The following PTPRA variants were observed in gnomAD, a reference collection of about 807,000 sequenced individuals.
PTPRA encodes protein tyrosine phosphatase receptor type A.
In PTPRA, 25 loss-of-function variants were observed where a neutral mutation model predicts 104.8. The ratio of observed to expected loss-of-function variants is 0.24; its 90% CI spans 0.17 to 0.33. The LOEUF is 0.33. Ranked by LOEUF, PTPRA falls within the 10% of genes least tolerant of loss-of-function variation. The pLI is 1.00. For missense variants in PTPRA, 765 were observed against 1,015.3 expected (o/e 0.75, Z 3.35); for synonymous variants, 323 against 368.9 (o/e 0.88, Z 1.43).
At chr20:2,977,253 C>CTGCA (rs1568678769) in intron 6 of PTPRA, among the ~76,000 whole-genome samples, 1 of 147,678 alleles carries the variant, frequency 6.8e-6, no homozygotes, top group Non-Finnish European at 1.5e-5. Flanking sequence ...GCGATCCAGA[C>CTGCA]TGCACTCCAG....
intron 12 of PTPRA, among the ~76,000 whole-genome samples, chr20:3,017,463 G>A (rs1456326527): frequency 5.3e-5 from 8 of 152,198 alleles, no homozygotes; most frequent in Admixed American, 5.2e-4. Flanking sequence ...ATAGGAAGGA[G>A]TAAATGCCAT....
At chr20:3,036,006 T>C (rs965085714) in intron 22 of PTPRA, 65 bp downstream of exon 22, 29 of 1,607,420 alleles carry the variant, frequency 1.8e-5, no homozygotes, top group Non-Finnish European at 2.4e-5. Context: ...GGGAAGCTGA[T>C]GACCATGGGT....
chr20:2,926,915 C>T (rs2060321084), intron 2 of PTPRA, among the ~76,000 whole-genome samples: 1 of 151,768 alleles, frequency 6.6e-6, no homozygotes, highest in Admixed American at 6.6e-5. Flanking sequence ...CTCAGCCTCC[C>T]AAGTAGCTGG....
At chr20:2,918,218 A>AGGGT (rs1338825356) in intron 1 of PTPRA, among the ~76,000 whole-genome samples, 1 of 152,052 alleles carries the variant, frequency 6.6e-6, no homozygotes, top group East Asian at 1.9e-4. Context: ...AAAACGAGAC[A>AGGGT]GGGTGACCAG....
At chr20:2,959,411 T>C (rs1600174492) in intron 3 of PTPRA, among the ~76,000 whole-genome samples, 1 of 152,244 alleles carries the variant, frequency 6.6e-6, no homozygotes, top group East Asian at 1.9e-4. Flanking sequence ...TCAACACTTC[T>C]TTGTGTATTT....
chr20:2,915,116 G>A (rs1407444209), intron 1 of PTPRA, among the ~76,000 whole-genome samples: 1 of 151,004 alleles, frequency 6.6e-6, no homozygotes, highest in Admixed American at 6.6e-5. Context: ...GTCTCACTGT[G>A]TTGCAGGCTG....
intron 1 of PTPRA, among the ~76,000 whole-genome samples, chr20:2,874,024 C>T (rs1037955233): frequency 2.4e-4 from 37 of 152,298 alleles, no homozygotes; most frequent in African/African-American, 7.9e-4. Flanking sequence ...CCTTCTGGGA[C>T]CAGGCCAGGG....
chr20:3,023,297 A>G (rs1355932720), intron 16 of PTPRA, among the ~76,000 whole-genome samples: 1 of 152,184 alleles, frequency 6.6e-6, no homozygotes, highest in Non-Finnish European at 1.5e-5. Context: ...CTCCCCACTG[A>G]GATAGCCTGA....
rs1205270226 is a variant in PTPRA at position 2,910,597 on chromosome 20, T to TG, written c.-128-12610_-128-12609insG. ...CAGCTAGTTTTTTTTTTGTTTTTTT[T>TG]TTGTTTTTTTTAATTTTTTTTTTTT... On this transcript the variant is annotated intron_variant, in intron 1 of 23. Transcript: ENST00000399903. 2.1e-4 allele frequency among the ~76,000 whole-genome samples: 27 copies of TG among 127,566 alleles called. 1 individual carries two copies. The East Asian group carries it at 2.8e-3, about 13-fold the overall frequency. The allele number at this position is 127,566 out of a possible 152,430, so 83.7% of individuals were successfully genotyped here.
At chr20:2,918,769 A>G (rs2059998817) in intron 1 of PTPRA, among the ~76,000 whole-genome samples, 1 of 152,200 alleles carries the variant, frequency 6.6e-6, no homozygotes, top group Non-Finnish European at 1.5e-5. Flanking sequence ...GGTTGTTGAC[A>G]TACATGAATT....
At chr20:2,865,793 G>A in the PTPRA span, 1 of 491,586 alleles carries the variant, frequency 2.0e-6, no homozygotes, top group East Asian at 3.8e-5. The surrounding 1 kb of genome is among the most constrained non-coding windows in gnomAD (Gnocchi z 5.2). Context: ...GAGGAGGGTG[G>A]AGGGGGCACA....
At chr20:2,928,125 GTTGTTGT>G (rs2060374517) in intron 2 of PTPRA, among the ~76,000 whole-genome samples, 1 of 152,000 alleles carries the variant, frequency 6.6e-6, no homozygotes, top group East Asian at 1.9e-4. Flanking sequence ...GTTTTTTGTT[GTTGTTGT>G]TGTTGTTGTT....
chr20:2,990,163 G>A lies in PTPRA; in HGVS notation c.738+1689G>A, dbSNP rs1472462944. Among the ~76,000 whole-genome samples, 28 of 152,216 alleles carry A rather than the reference G, an allele frequency of 1.8e-4. No individual in the cohort carries two copies. In the East Asian group the frequency reaches 4.6e-3, roughly 25 times the overall value. On this transcript the variant is annotated intron_variant, in intron 9 of 23. Transcript: ENST00000399903. The stretch of plus-strand genomic sequence containing the variant: ...CTAATGTCATGACTAGGAAATGGGG[G>A]ATGGATTTAAGGACACAGAGGAGCA...
At chr20:3,007,451 C>G (rs1444338284) in intron 11 of PTPRA, 31 bp downstream of exon 11, 12 of 1,585,988 alleles carry the variant, frequency 7.6e-6, no homozygotes, top group Admixed American at 6.7e-5. Flanking sequence ...CTGTCACTTC[C>G]CTGCCTGACC....
At chr20:2,875,995 G>A (rs2089694582) in intron 1 of PTPRA, among the ~76,000 whole-genome samples, 1 of 152,214 alleles carries the variant, frequency 6.6e-6, no homozygotes, top group South Asian at 2.1e-4. Context: ...CCTTGGGGAG[G>A]AGGGAAGAGG....
chr20:2,975,651 A>G (rs571897532), intron 6 of PTPRA, among the ~76,000 whole-genome samples: 11 of 152,152 alleles, frequency 7.2e-5, no homozygotes, highest in African/African-American at 1.9e-4. Flanking sequence ...TTGTGGCTTT[A>G]TATGGATTTT....
chr20:2,886,850 C>CT (rs1212577641), intron 1 of PTPRA, among the ~76,000 whole-genome samples: 2 of 143,910 alleles, frequency 1.4e-5, no homozygotes, highest in Non-Finnish European at 3.0e-5. Flanking sequence ...GAGTGAAACT[C>CT]TGTCTCAAAA....
intron 1 of PTPRA, among the ~76,000 whole-genome samples, chr20:2,903,323 A>T (rs1479172660): frequency 6.6e-6 from 1 of 152,202 alleles, no homozygotes; most frequent in Non-Finnish European, 1.5e-5. Context: ...GTAAGTGAGC[A>T]AAGTTGTGTA....
intron 1 of PTPRA, among the ~76,000 whole-genome samples, chr20:2,897,678 G>A (rs954474213): frequency 3.9e-5 from 6 of 151,958 alleles, no homozygotes; most frequent in African/African-American, 7.2e-5. Context: ...TTGAGCCACC[G>A]TGCCCAGCCA....
Sources: allele counts gnomAD v4.1 joint callset (sites outside exome capture counted in the v4.1 genomes callset), GRCh38; gene constraint gnomAD v4.1.1; non-coding constraint Gnocchi (gnomAD v3.1); transcripts MANE v1.5; gene names NCBI Gene and HGNC (gene_info 2026-07-23, HGNC 2026-07-21).